The following OTUD7A variants were observed in gnomAD, a reference collection of about 807,000 sequenced individuals.
The protein encoded by OTUD7A is OTU domain-containing protein 7A.
In OTUD7A, 12 loss-of-function variants were observed where a neutral mutation model predicts 65.7. That is an observed-to-expected ratio of 0.18 (90% CI 0.12 to 0.30). The LOEUF (loss-of-function observed/expected upper bound fraction) is 0.30, where lower values mean the gene tolerates loss of function less well. Among genes scored for constraint, OTUD7A ranks in the 10% least tolerant of loss-of-function variants. The pLI, the probability that OTUD7A is intolerant of heterozygous loss-of-function variation, is 1.00. For missense variants in OTUD7A, 1,148 were observed against 1,304.8 expected, an observed-to-expected ratio of 0.88 and a Z score of 1.85; for synonymous variants, 641 against 586.3, an observed-to-expected ratio of 1.09 and a Z score of -1.35.
chr15:31,566,365 T>C (rs936944109), intron 4 of OTUD7A, among the ~76,000 whole-genome samples: 2 of 152,160 alleles, frequency 1.3e-5, no homozygotes, highest in Admixed American at 6.5e-5. Flanking sequence ...AAAACACATA[T>C]ACATATAGAG....
chr15:31,552,063 G>C (rs1490307374), intron 5 of OTUD7A, among the ~76,000 whole-genome samples: 1 of 152,196 alleles, frequency 6.6e-6, no homozygotes, highest in African/African-American at 2.4e-5. Context: ...GCAGTAATGA[G>C]TGAGTTCTTG....
At chr15:31,632,815 G>A (rs1595672530) in intron 3 of OTUD7A, among the ~76,000 whole-genome samples, 1 of 152,320 alleles carries the variant, frequency 6.6e-6, no homozygotes, top group East Asian at 1.9e-4. Context: ...AATCAAGCCT[G>A]GGCAATGGCA....
chr15:31,768,658 G>GT (rs760788609), intron 1 of OTUD7A, among the ~76,000 whole-genome samples: 1 of 133,570 alleles, frequency 7.5e-6, no homozygotes, highest in East Asian at 2.1e-4. Flanking sequence ...CCATCACAAA[G>GT]AAAAAAAAAA....
intron 12 of OTUD7A, among the ~76,000 whole-genome samples, chr15:31,486,529 A>C (rs1566879387): frequency 6.6e-6 from 1 of 152,254 alleles, no homozygotes; most frequent in African/African-American, 2.4e-5. Context: ...CTGGCAGTTC[A>C]CTACTGAGAT....
rs377602315 is a variant in OTUD7A at position 31,843,272 on chromosome 15, AT to A, written c.-100+27234del. On this transcript the variant is annotated intron_variant, in intron 1 of 12. Transcript: ENST00000307050. Reference sequence around the variant, plus strand: ...GGTTTAGTCTTCCCAGTGACAAGACATTTTTTTTTTCTGATCATAGCATTAT... The same window carrying A: ...GGTTTAGTCTTCCCAGTGACAAGACATTTTTTTTTCTGATCATAGCATTAT... Among the ~76,000 whole-genome samples the A allele has an allele frequency of 5.2e-3, 681 of 132,056 alleles. 3 individuals are homozygous for A. The highest frequency in any genetic ancestry group is 0.016 in the African/African-American group (570 of 34,994). The allele number at this position is 132,056 out of a possible 152,430, so 86.6% of individuals were successfully genotyped here. A position where few individuals can be genotyped will look rare whatever the true frequency, so the allele number is the denominator to read the frequency against.
intron 1 of OTUD7A, among the ~76,000 whole-genome samples, chr15:31,762,228 G>A (rs1162382691): frequency 6.6e-6 from 1 of 152,192 alleles, no homozygotes; most frequent in Non-Finnish European, 1.5e-5. Context: ...AGGAGTGGTG[G>A]CCACAGCTTC....
At chr15:31,862,756 G>A (rs1221681944) in intron 1 of OTUD7A, among the ~76,000 whole-genome samples, 4 of 152,050 alleles carry the variant, frequency 2.6e-5, no homozygotes, top group Non-Finnish European at 5.9e-5. Context: ...ATATCATTAC[G>A]CCCCTGGCCC....
At chr15:31,698,665 A>G (rs1893140529) in intron 1 of OTUD7A, among the ~76,000 whole-genome samples, 1 of 150,502 alleles carries the variant, frequency 6.6e-6, no homozygotes, top group African/African-American at 2.5e-5. Context: ...CAGTCTCAGG[A>G]GCACATTTGT....
rs1431902401 is a variant in OTUD7A at position 31,483,546 on chromosome 15, C to A, written c.2550G>T (p.Ala850=). ...ALPGAAGTAG[A]AEHKSQTYTN... Reference sequence around the variant, plus strand: ...TGTAGGTCTGCGACTTGTGCTCGGCCGCCCCCGCCGTCCCCGCCGCGCCCG... The same window carrying A: ...TGTAGGTCTGCGACTTGTGCTCGGCAGCCCCCGCCGTCCCCGCCGCGCCCG... Residue 850 remains alanine (A), a synonymous_variant, in exon 13 of 13, where the codon GCG becomes GCT. Coordinates refer to ENST00000307050, the MANE Select transcript of OTUD7A (RefSeq NM_001382637.1). 7.6e-7 allele frequency: 1 copy of A among 1,323,580 alleles called. No homozygotes were observed. The highest frequency in any genetic ancestry group is 9.7e-7 in the Non-Finnish European group (1 of 1,032,516). The allele number at this position is 1,323,580 out of a possible 1,614,324, so 82.0% of individuals were successfully genotyped here.
At chr15:31,826,371 A>T (rs1595796118) in intron 1 of OTUD7A, among the ~76,000 whole-genome samples, 1 of 152,372 alleles carries the variant, frequency 6.6e-6, no homozygotes, top group South Asian at 2.1e-4. Context: ...CACCATCTGA[A>T]GCCACAGCAG....
At chr15:31,644,736 C>T (rs1203494079) in intron 3 of OTUD7A, among the ~76,000 whole-genome samples, 2 of 152,214 alleles carry the variant, frequency 1.3e-5, no homozygotes, top group African/African-American at 4.8e-5. Flanking sequence ...GGCTTGGCCT[C>T]CCAAAGTGTT....
At chr15:31,536,101 A>G (rs1436372446) in intron 5 of OTUD7A, among the ~76,000 whole-genome samples, 2 of 152,244 alleles carry the variant, frequency 1.3e-5, no homozygotes, top group Non-Finnish European at 2.9e-5. Context: ...TACAGGAAAC[A>G]GGAGGGAAAT....
At chr15:31,765,752 T>TA (rs1461284646) in intron 1 of OTUD7A, 9 of 1,279,970 alleles carry the variant, frequency 7.0e-6, no homozygotes, top group Admixed American at 1.9e-5. Context: ...GCTAGTATCT[T>TA]AGACTACAGA....
In OTUD7A at chr15:31,567,258, G is replaced by A. The variant is rs112154905; in HGVS notation, c.331+2760C>T. On this transcript the variant is annotated intron_variant, in intron 4 of 12. Transcript: ENST00000307050. ...ATTGGGGACTGGAGCAAATGGTCAC[G>A]TGTTTTGCCTTAGCAAAGAGCTCAG... 4.0e-3 allele frequency among the ~76,000 whole-genome samples: 616 copies of A among 152,328 alleles called. 2 individuals carry two copies. The highest frequency in any genetic ancestry group is 0.014 in the African/African-American group (590 of 41,586).
chr15:31,849,828 A>T (rs1725725317), intron 1 of OTUD7A, among the ~76,000 whole-genome samples: 1 of 152,272 alleles, frequency 6.6e-6, no homozygotes, highest in Admixed American at 6.5e-5. Context: ...CATCACAGAA[A>T]TGCAAATCAA....
chr15:31,750,693 A>G (rs7182222), intron 1 of OTUD7A, among the ~76,000 whole-genome samples: 18,136 of 152,172 alleles, frequency 0.12, 1,504 homozygotes, highest in East Asian at 0.47. Flanking sequence ...AGAGCCCAGA[A>G]GTAAAGCCAC....
intron 3 of OTUD7A, among the ~76,000 whole-genome samples, chr15:31,596,132 G>A (rs1889896827): frequency 6.6e-6 from 1 of 152,174 alleles, no homozygotes; most frequent in African/African-American, 2.4e-5. Flanking sequence ...AACCAGAGCA[G>A]TGTTTGGCTG....
chr15:31,740,852 T>C (rs1417533257), intron 1 of OTUD7A, among the ~76,000 whole-genome samples: 2 of 152,280 alleles, frequency 1.3e-5, no homozygotes, highest in South Asian at 2.1e-4. Flanking sequence ...AAGAAATACA[T>C]CATGTGAATT....
chr15:31,798,747 G>A (rs1439687525), intron 1 of OTUD7A, among the ~76,000 whole-genome samples: 4 of 152,196 alleles, frequency 2.6e-5, no homozygotes, highest in East Asian at 1.9e-4. Context: ...CATCAGCTAC[G>A]TTGTTCTGGT....
Sources: allele counts gnomAD v4.1 joint callset (sites outside exome capture counted in the v4.1 genomes callset), GRCh38; gene constraint gnomAD v4.1.1; transcripts MANE v1.5; gene names NCBI Gene and HGNC (gene_info 2026-07-23, HGNC 2026-07-21).